The following GLI2 variants were observed in gnomAD, a reference collection of about 807,000 sequenced individuals.
GLI2 encodes the protein transcription activator GLI2.
GLI2 carries 22 observed loss-of-function variants against 78.9 expected under a neutral mutation model. The ratio of observed to expected loss-of-function variants is 0.28; its 90% CI spans 0.20 to 0.40. The LOEUF is 0.40. Ranked by LOEUF, GLI2 falls within the 10% of genes least tolerant of loss-of-function variation. The probability of loss-of-function intolerance (pLI) is 1.00; values close to 1 mark genes in which losing one functional copy is unlikely to be tolerated. For missense variants in GLI2, 2,097 were observed against 2,213.2 expected (o/e 0.95, Z 1.05); for synonymous variants, 974 against 963.7 (o/e 1.01, Z -0.20).
intron 4 of GLI2, among the ~76,000 whole-genome samples, chr2:120,954,563 C>G (rs1681149799): frequency 6.6e-6 from 1 of 152,192 alleles, no homozygotes. Context: ...TCAGACTGCC[C>G]TCTTTGCACA....
At chr2:120,804,688 A>G (rs1322833051) in intron 2 of GLI2, among the ~76,000 whole-genome samples, 1 of 152,256 alleles carries the variant, frequency 6.6e-6, no homozygotes, top group Non-Finnish European at 1.5e-5. Flanking sequence ...GCCATCCAGA[A>G]CAACCAGTTC....
chr2:120,942,288 G>C (rs74458303), intron 3 of GLI2, among the ~76,000 whole-genome samples: 1 of 152,112 alleles, frequency 6.6e-6, no homozygotes, highest in Non-Finnish European at 1.5e-5. Context: ...GAACAAGATC[G>C]AGGTGTCACC....
intron 5 of GLI2, among the ~76,000 whole-genome samples, chr2:120,959,585 A>T (rs1399042935): frequency 2.6e-5 from 4 of 152,158 alleles, no homozygotes; most frequent in Non-Finnish European, 5.9e-5. Flanking sequence ...GCCTGTGTGG[A>T]CGGTTACTCA....
intron 1 of GLI2, among the ~76,000 whole-genome samples, chr2:120,771,977 T>C (rs944267807): frequency 5.9e-5 from 9 of 152,200 alleles, no homozygotes; most frequent in African/African-American, 2.2e-4. Context: ...GCCATCCTTG[T>C]TTTCGGAGTG....
intron 5 of GLI2, among the ~76,000 whole-genome samples, chr2:120,960,374 A>G (rs1681494648): frequency 6.6e-6 from 1 of 152,196 alleles, no homozygotes; most frequent in African/African-American, 2.4e-5. Flanking sequence ...TCTGCCAGGC[A>G]AGAGGGCGAG....
At chr2:120,783,209 C>T (rs914450322) in intron 1 of GLI2, among the ~76,000 whole-genome samples, 5 of 152,158 alleles carry the variant, frequency 3.3e-5, no homozygotes, top group Non-Finnish European at 7.4e-5. Context: ...CCAAGAGACA[C>T]CTAAACCTGT....
chr2:120,939,538 A>G (rs1172681430), intron 3 of GLI2, among the ~76,000 whole-genome samples: 1 of 152,178 alleles, frequency 6.6e-6, no homozygotes, highest in African/African-American at 2.4e-5. Flanking sequence ...TTGCTTTGTC[A>G]TGCTTTATAT....
At chr2:120,905,515 G>A (rs145666621) in intron 2 of GLI2, among the ~76,000 whole-genome samples, 3 of 152,326 alleles carry the variant, frequency 2.0e-5, no homozygotes, top group Admixed American at 6.5e-5. Flanking sequence ...CAGCTGTTAA[G>A]TGGCAATGTC....
chr2:120,882,931 T>C (rs1677223089), intron 2 of GLI2, among the ~76,000 whole-genome samples: 6 of 152,128 alleles, frequency 3.9e-5, no homozygotes, highest in Admixed American at 3.9e-4. Flanking sequence ...ACAACCAAGA[T>C]ACAGAACAGT....
chr2:120,856,800 G>A (rs72835579), intron 2 of GLI2, among the ~76,000 whole-genome samples: 4,772 of 152,222 alleles, frequency 0.031, 99 homozygotes, highest in Non-Finnish European at 0.039. Context: ...AAGAAGCCTC[G>A]TGTGGCTGGA....
intron 1 of GLI2, among the ~76,000 whole-genome samples, chr2:120,773,977 C>T (rs1683604064): frequency 1.5e-5 from 2 of 134,276 alleles, no homozygotes; most frequent in South Asian, 5.5e-4. Flanking sequence ...TTCCCTCTCT[C>T]CTTCCCTCTC....
Position 120,978,525 on chromosome 2 carries a change from A to C in GLI2, c.1409A>C (p.Gln470Pro). 8.7e-6 allele frequency: 14 copies of C among 1,614,158 alleles called. No individual in the cohort carries two copies. The highest frequency in any genetic ancestry group is 1.2e-5 in the Non-Finnish European group (14 of 1,180,038). The change falls in exon 10 of 14, where the codon CAG (glutamine) becomes CCG (proline). Residue 470 changes from glutamine (Q) to proline (P), a missense_variant. This residue lies in a region of GLI2 where 104 missense variants were observed against 190.6 expected (regional missense o/e 0.55). Coordinates refer to ENST00000361492, the MANE Select transcript of GLI2 (RefSeq NM_001374353.1). Reference sequence around the variant, plus strand: ...CGGGAGCAGAAGCCCTTCAAGGCGCAGTACATGCTGGTGGTGCACATGCGG... The same window carrying C: ...CGGGAGCAGAAGCCCTTCAAGGCGCCGTACATGCTGGTGGTGCACATGCGG... The part of the protein sequence containing the change: ...CTREQKPFKA[Q>P]YMLVVHMRRH...
chr2:120,738,336 G>T (rs565200461), intron 1 of GLI2, among the ~76,000 whole-genome samples: 1 of 152,290 alleles, frequency 6.6e-6, no homozygotes, highest in South Asian at 2.1e-4. Context: ...GAGGGTTACA[G>T]GAAATTGTGG....
chr2:120,968,092 A>G lies in GLI2; in HGVS notation c.644-622A>G, dbSNP rs374182254. Among the ~76,000 whole-genome samples, 3 of 152,338 alleles carry G rather than the reference A, an allele frequency of 2.0e-5. No individual in the cohort carries two copies. The East Asian group carries it at 5.8e-4, about 29-fold the overall frequency. ...TGGAATTCTCCATAGCAGTGGGAAC[A>G]GGCAAGCTTCTGCCACACACAATAG... On this transcript the variant is annotated intron_variant, in intron 5 of 13. Coordinates refer to ENST00000361492, the MANE Select transcript of GLI2 (RefSeq NM_001374353.1).
At chr2:120,775,236 G>A (rs1192746412) in intron 1 of GLI2, among the ~76,000 whole-genome samples, 2 of 152,242 alleles carry the variant, frequency 1.3e-5, no homozygotes, top group Non-Finnish European at 2.9e-5. Flanking sequence ...GATTGAAGCT[G>A]TGGCAATTAA....
chr2:120,803,423 TC>T (rs572618392), intron 2 of GLI2, among the ~76,000 whole-genome samples: 114 of 152,368 alleles, frequency 7.5e-4, no homozygotes, highest in Non-Finnish European at 1.4e-3. Context: ...TTGCTATTCT[TC>T]CTACCAGTTT....
At chr2:120,928,191 A>G (rs6721552) in intron 3 of GLI2, among the ~76,000 whole-genome samples, 151,922 of 152,204 alleles carry the variant, frequency 1, 75,823 homozygotes, top group Middle Eastern at 1. Flanking sequence ...GAGAGCTCTT[A>G]CAAAGGTCAG....
rs1048192530 is a variant in GLI2 at position 120,978,771 on chromosome 2, G to A, written c.1467+188G>A. Among the ~76,000 whole-genome samples, 6 of 152,162 alleles carry A rather than the reference G, an allele frequency of 3.9e-5. No homozygotes were observed. The South Asian group carries it at 6.2e-4, about 16-fold the overall frequency. On this transcript the variant is annotated intron_variant, in intron 10 of 13. Coordinates refer to ENST00000361492, the MANE Select transcript of GLI2 (RefSeq NM_001374353.1). ...TCCTGGAGGCCCCTCGCCTCGTGCC[G>A]TCCCAGACCTTGATGGACTTGCTCT...
At chr2:120,811,790 T>A (rs1685253310) in intron 2 of GLI2, among the ~76,000 whole-genome samples, 1 of 152,144 alleles carries the variant, frequency 6.6e-6, no homozygotes, top group African/African-American at 2.4e-5. Context: ...TACCCACAAA[T>A]GAAATCCTGC....
Sources: gnomAD v4.1 joint callset for allele counts (sites outside exome capture counted in the v4.1 genomes callset) on GRCh38, gnomAD v4.1.1 for gene constraint, gnomAD v4.1.1 regional missense constraint, MANE v1.5 for transcripts, NCBI Gene and HGNC (gene_info 2026-07-23, HGNC 2026-07-21) for gene names.